Variants in KRT25 observed in about 807,000 individuals in gnomAD.
KRT25 encodes keratin 25.
A neutral mutation model predicts 47.6 loss-of-function variants in KRT25; 37 were observed. The observed-to-expected ratio is 0.78, with a 90% confidence interval of 0.60 to 1.02. The LOEUF (loss-of-function observed/expected upper bound fraction) is 1.02, where lower values mean the gene tolerates loss of function less well. Ranked by LOEUF, KRT25 falls within the 50% of genes least tolerant of loss-of-function variation. The pLI is 0.00. For synonymous variants in KRT25, 203 were observed against 210.2 expected (o/e 0.97, Z 0.30); for missense variants, 542 against 550.3 (o/e 0.98, Z 0.15).
rs943351536 is a variant in KRT25 at position 40,753,556 on chromosome 17, C to T, written c.669+304G>A. ...CTAAAAATACATAAAATTAGCCGGG[C>T]GCCTGTAGTCCCAGCTACTCGGGAG... On this transcript the variant is annotated intron_variant, in intron 3 of 7. Transcript: ENST00000312150. Among the ~76,000 whole-genome samples the T allele has an allele frequency of 5.9e-5, 9 of 151,284 alleles. 1 individual carries two copies. Among genetic ancestry groups the T allele is most frequent in the South Asian group, 4.2e-4 (2 of 4,798 alleles).
At position 40,750,609 on chromosome 17, in the gene KRT25, C is replaced by A; in HGVS notation, c.958-12G>T. The A allele has an allele frequency of 6.2e-7, 1 of 1,613,544 alleles. No homozygotes were observed. Among genetic ancestry groups the A allele is most frequent in the Non-Finnish European group, 8.5e-7 (1 of 1,179,522 alleles). Reference sequence around the variant, plus strand: ...TCCAGGGAGTGTTTCTGTCAGGAAGCAATAAAGAGAACTTGAAATGGATAT... The same window carrying A: ...TCCAGGGAGTGTTTCTGTCAGGAAGAAATAAAGAGAACTTGAAATGGATAT... On this transcript the variant is annotated splice_polypyrimidine_tract_variant and intron_variant, in intron 5 of 7. Transcript: ENST00000312150.
At chr17:40,750,917 C>T (rs745848426) in intron 5 of KRT25, 37 bp downstream of exon 5, 29 of 1,609,292 alleles carry the variant, frequency 1.8e-5, no homozygotes, top group Admixed American at 1.2e-4. Context: ...AACATGATGA[C>T]CTGGGAGATG....
chr17:40,754,522 A>G (rs1400361312), intron 1 of KRT25, 54 bp from the exon 2 acceptor site: 28 of 1,431,894 alleles, frequency 2.0e-5, no homozygotes, highest in Non-Finnish European at 2.4e-5. Context: ...AATCTACTTA[A>G]TGCTTATTTC....
chr17:40,748,900 A>C (rs1180041313), intron 7 of KRT25, among the ~76,000 whole-genome samples: 1 of 152,246 alleles, frequency 6.6e-6, no homozygotes, highest in Non-Finnish European at 1.5e-5. Context: ...TGTCTTTTAC[A>C]GGAACATGGA....
Position 40,748,136 on chromosome 17 carries a change from G to A in KRT25, c.*141C>T, listed in dbSNP as rs2060530449. 1.8e-6 allele frequency: 1 copy of A among 546,142 alleles called. No individual in the cohort carries two copies. Among genetic ancestry groups the A allele is most frequent in the Non-Finnish European group, 3.2e-6 (1 of 311,804 alleles). 33.8% of individuals were successfully genotyped at this position (546,142 alleles called of 1,614,324 possible). On this transcript the variant is annotated 3_prime_UTR_variant, in exon 8 of 8. Coordinates refer to ENST00000312150, the MANE Select transcript of KRT25 (RefSeq NM_181534.4). ...TCTTCTAGATGAATGGGGAGATGCT[G>A]TCATTGATTGCCCAGAAAGAAAGTA...
intron 6 of KRT25, 43 bp from the exon 7 acceptor site, chr17:40,749,368 A>G (rs1567660443): frequency 7.2e-7 from 1 of 1,385,164 alleles, no homozygotes; most frequent in Non-Finnish European, 1.0e-6. Flanking sequence ...AGAGAACCCC[A>G]TCAATTCTAG....
chr17:40,748,311 A>T lies in KRT25; in HGVS notation c.1319T>A (p.Leu440His). The T allele has an allele frequency of 6.2e-7, 1 of 1,612,500 alleles. No homozygotes were observed. The highest frequency in any genetic ancestry group is 8.5e-7 in the Non-Finnish European group (1 of 1,179,276). ...TTGAGATTTCTCTTCCAGGGAGTGG[A>T]GCCTGGTGGTAAGTATTTTGCTGCG... ...DQRSKILTTR[L>H]HSLEEKSQSN The change falls in exon 8 of 8, where the codon CTC becomes CAC. Residue 440 changes from leucine (L) to histidine (H), a missense_variant. Physicochemically the swap from Leu to His is moderately conservative, Grantham distance 99. Transcript: ENST00000312150.
upstream of KRT25, chr17:40,755,480 G>A: frequency 1.8e-6 from 1 of 553,714 alleles, no homozygotes; most frequent in Non-Finnish European, 3.2e-6. Flanking sequence ...TCACTTTGCT[G>A]GGCTCATTCC....
intron 6 of KRT25, 138 bp downstream of exon 6, chr17:40,750,238 AGTAT>A (rs961734538): frequency 1.0e-4 from 80 of 789,720 alleles, no homozygotes; most frequent in Middle Eastern, 2.6e-4. Context: ...TTGGCAGTTG[AGTAT>A]GTATTATATT....
At position 40,748,176 on chromosome 17, in the gene KRT25, G is replaced by T; in HGVS notation, c.*101C>A. 1 of 700,732 alleles carries T rather than the reference G, an allele frequency of 1.4e-6. No homozygotes were observed. Among genetic ancestry groups the T allele is most frequent in the Non-Finnish European group, 2.4e-6 (1 of 420,954 alleles). The allele number at this position is 700,732 out of a possible 1,614,324, so 43.4% of individuals were successfully genotyped here. A position where few individuals can be genotyped will look rare whatever the true frequency, so the allele number is the denominator to read the frequency against. On this transcript the variant is annotated 3_prime_UTR_variant, in exon 8 of 8. Coordinates refer to ENST00000312150, the MANE Select transcript of KRT25 (RefSeq NM_181534.4). The stretch of plus-strand genomic sequence containing the variant: ...GAAAGAAAGTAACAGAAAGACAACA[G>T]GTTAGACATTTTTCTTAGACATGCA...
intron 7 of KRT25, 138 bp from the exon 8 acceptor site, chr17:40,748,524 T>C (rs1219639005): frequency 3.6e-5 from 20 of 562,640 alleles, no homozygotes; most frequent in Non-Finnish European, 5.5e-5. Context: ...TTTTGGTGAA[T>C]AATTTTGATT....
chr17:40,750,353 G>A lies in KRT25; in HGVS notation c.1175+27C>T, dbSNP rs78420341. On this transcript the variant is annotated intron_variant, in intron 6 of 7. Transcript: ENST00000312150. ...TTGCAAGCAGATTTCAGTATATTAC[G>A]CCATCTATGCAGATTATTTTACCTA... 2.8e-4 allele frequency: 457 copies of A among 1,607,016 alleles called. 3 individuals are homozygous for A. The highest frequency in any genetic ancestry group is 2.7e-3 in the East Asian group (122 of 44,818).
upstream of KRT25, chr17:40,755,400 C>G (rs910051378): frequency 1.2e-6 from 1 of 846,986 alleles, no homozygotes; most frequent in Admixed American, 2.9e-5. Context: ...ATTCTGCCTA[C>G]ACAGAGTAAA....
rs749337081 is a variant in KRT25 at position 40,754,998 on chromosome 17, A to G, written c.274T>C (p.Ser92Pro). 1 of 1,614,164 alleles carries G rather than the reference A, an allele frequency of 6.2e-7. No homozygotes were observed. The highest frequency in any genetic ancestry group is 8.5e-7 in the Non-Finnish European group (1 of 1,180,044). Residue 92 changes from serine to proline, a missense_variant, in exon 1 of 8, where the codon TCC becomes CCC. Ser to Pro is a moderately conservative substitution (Grantham distance 74, BLOSUM62 -1). Coordinates refer to ENST00000312150, the MANE Select transcript of KRT25 (RefSeq NM_181534.4). ...AGAGCATGCACACTGTCCAGGTAGG[A>G]TGCCAGGCGGTCATTGAGGTTCTGC... ...TMQNLNDRLA[S>P]YLDSVHALEE...
At chr17:40,753,830 G>T in intron 3 of KRT25, 30 bp downstream of exon 3, 1 of 1,598,046 alleles carries the variant, frequency 6.3e-7, no homozygotes, top group Non-Finnish European at 8.5e-7. Flanking sequence ...TCTGCGGAGG[G>T]ATAGCAAAAT....
intron 3 of KRT25, 39 bp from the exon 4 acceptor site, chr17:40,751,365 T>A: frequency 6.4e-7 from 1 of 1,563,316 alleles, no homozygotes; most frequent in Non-Finnish European, 8.6e-7. Flanking sequence ...TCTGCAGGAA[T>A]CTCATGGAAA....
chr17:40,755,207 C>T lies in KRT25; in HGVS notation c.65G>A (p.Arg22Lys), dbSNP rs1425697175. Reference protein sequence around the residue: ...SCPRPTTGSLRLYGGGTSFGT... With the variant: ...SCPRPTTGSLKLYGGGTSFGT... ...AAAGCTGGTTCCCCCACCATAGAGT[C>T]TGAGTGATCCAGTGGTGGGACGAGG... is the stretch of plus-strand genomic sequence containing the variant. The change falls in exon 1 of 8, where the codon AGA (arginine) becomes AAA (lysine). Residue 22 changes from arginine (R) to lysine (K), a missense_variant. Arg to Lys is a conservative substitution (Grantham distance 26, BLOSUM62 2). Transcript: ENST00000312150. The T allele has an allele frequency of 6.2e-7, 1 of 1,614,068 alleles. No homozygotes were observed. The highest frequency in any genetic ancestry group is 1.7e-5 in the Admixed American group (1 of 60,008).
chr17:40,753,993 T>C lies in KRT25; in HGVS notation c.536A>G (p.His179Arg), dbSNP rs769470913. The stretch of plus-strand genomic sequence containing the variant: ...ATTGACATCAGCCTCTACACTCTGG[T>C]GAAGAGCCAGCTCATTTTCATACCT... ...RLKYENELAL[H>R]QSVEADVNGL... The change falls in exon 3 of 8, where the codon CAC becomes CGC. Residue 179 changes from histidine (H) to arginine (R), a missense_variant. His to Arg is a conservative substitution (Grantham distance 29). Coordinates refer to ENST00000312150, the MANE Select transcript of KRT25 (RefSeq NM_181534.4). 1.9e-6 allele frequency: 3 copies of C among 1,614,110 alleles called. No homozygotes were observed. The highest frequency in any genetic ancestry group is 2.2e-5 in the South Asian group (2 of 91,080).
Position 40,754,902 on chromosome 17 carries a change from G to T in KRT25, c.370C>A (p.Arg124Ser). ...CTGCTATAGTCATGATCAAGACCAC[G>T]GCAAGAGCCAGGCCCAAATTTCTCA... ...WYEKFGPGSCRGLDHDYSRYF... is the reference protein window; with the variant it reads ...WYEKFGPGSCSGLDHDYSRYF... Residue 124 changes from arginine to serine, a missense_variant, in exon 1 of 8, where the codon CGT becomes AGT. Arg to Ser is a moderately radical substitution (Grantham distance 110). Transcript: ENST00000312150. 1 of 1,614,066 alleles carries T rather than the reference G, an allele frequency of 6.2e-7. No individual in the cohort carries two copies. The highest frequency in any genetic ancestry group is 8.5e-7 in the Non-Finnish European group (1 of 1,180,010).
Sources: allele counts gnomAD v4.1 joint callset (sites outside exome capture counted in the v4.1 genomes callset), GRCh38; gene constraint gnomAD v4.1.1; transcripts MANE v1.5; gene names NCBI Gene and HGNC (gene_info 2026-07-23, HGNC 2026-07-21).